RBFOX3: variants seen among roughly 807,000 people sequenced by gnomAD.
RBFOX3 encodes the protein RNA binding fox-1 homolog 3.
In RBFOX3, 17 loss-of-function variants were observed where a neutral mutation model predicts 48.7. The observed-to-expected ratio is 0.35, with a 90% confidence interval of 0.24 to 0.52. The LOEUF (loss-of-function observed/expected upper bound fraction) is 0.52. Among genes scored for constraint, RBFOX3 ranks in the 20% least tolerant of loss-of-function variants. The pLI, the probability that RBFOX3 is intolerant of heterozygous loss-of-function variation, is 0.94. For synonymous variants in RBFOX3, 212 were observed against 209.5 expected, an observed-to-expected ratio of 1.01 and a Z score of -0.10; for missense variants, 382 against 497.5, an observed-to-expected ratio of 0.77 and a Z score of 2.21.
At chr17:79,453,566 G>C (rs2073946691) in intron 2 of RBFOX3, among the ~76,000 whole-genome samples, 1 of 152,220 alleles carries the variant, frequency 6.6e-6, no homozygotes, top group African/African-American at 2.4e-5. Context: ...CAGCCCCACA[G>C]CCCCACAGGG....
chr17:79,536,031 T>C (rs1225319374), intron 1 of RBFOX3, among the ~76,000 whole-genome samples: 1 of 152,146 alleles, frequency 6.6e-6, no homozygotes, highest in African/African-American at 2.4e-5. Context: ...CTGGCTAGAT[T>C]TAAGCTGGTC....
intron 2 of RBFOX3, among the ~76,000 whole-genome samples, chr17:79,354,193 G>A (rs953654987): frequency 2.0e-5 from 3 of 152,192 alleles, no homozygotes; most frequent in Admixed American, 6.5e-5. Flanking sequence ...GGGCTCACAG[G>A]AGGATTAGCT....
intron 2 of RBFOX3, among the ~76,000 whole-genome samples, chr17:79,430,928 G>A (rs149735117): frequency 1.3e-5 from 2 of 152,292 alleles, no homozygotes; most frequent in East Asian, 3.9e-4. Flanking sequence ...CACGCTCAGA[G>A]CCCCATGTTC....
At chr17:79,106,903 C>CT (rs1171562097) in intron 5 of RBFOX3, 115 bp from the exon 6 acceptor site, 7 of 1,323,200 alleles carry the variant, frequency 5.3e-6, no homozygotes, top group Non-Finnish European at 6.9e-6. Context: ...TTCTGGGCCT[C>CT]TCCCCCATCC....
At chr17:79,209,866 G>A (rs1258877570) in intron 4 of RBFOX3, among the ~76,000 whole-genome samples, 2 of 152,036 alleles carry the variant, frequency 1.3e-5, no homozygotes, top group African/African-American at 4.8e-5. Context: ...GCGTGGTGGT[G>A]GCCGCCTGTA....
At chr17:79,114,718 G>A (rs556664075) in intron 5 of RBFOX3, among the ~76,000 whole-genome samples, 20 of 152,328 alleles carry the variant, frequency 1.3e-4, no homozygotes, top group East Asian at 3.9e-4. Flanking sequence ...CAGGGCCAGC[G>A]GGGACAGTTG....
At chr17:79,470,335 A>C (rs112710217) in intron 2 of RBFOX3, among the ~76,000 whole-genome samples, 12,526 of 152,190 alleles carry the variant, frequency 0.082, 1,728 homozygotes, top group African/African-American at 0.28. Flanking sequence ...GGGAAAGAGT[A>C]AAGACTGTCA....
the RBFOX3 span, among the ~76,000 whole-genome samples, chr17:79,629,027 A>G: frequency 1.3e-5 from 2 of 152,294 alleles, no homozygotes; most frequent in African/African-American, 4.8e-5. Flanking sequence ...TGATTCAACA[A>G]CTATTCTTTG....
rs575714606 is a variant in RBFOX3 at position 79,334,750 on chromosome 17, G to A, written c.-174-26926C>T. ...ACATCTTTCCAGCCTCAGTTTCCTCGTCTGCCACATGACAGCAGTAATGGA... is the reference window on the plus strand; with the variant it reads ...ACATCTTTCCAGCCTCAGTTTCCTCATCTGCCACATGACAGCAGTAATGGA... On this transcript the variant is annotated intron_variant, in intron 2 of 14. Coordinates refer to ENST00000693108, the MANE Select transcript of RBFOX3 (RefSeq NM_001350451.2). Among the ~76,000 whole-genome samples, 24 of 152,270 alleles carry A rather than the reference G, an allele frequency of 1.6e-4. No homozygotes were observed. In the East Asian group the frequency reaches 1.7e-3, roughly 11 times the overall value.
At chr17:79,573,818 G>A (rs1411591759) in intron 1 of RBFOX3, among the ~76,000 whole-genome samples, 4 of 152,166 alleles carry the variant, frequency 2.6e-5, no homozygotes, top group Non-Finnish European at 5.9e-5. Context: ...CCCGGTGGGG[G>A]GAGGGTGCCT....
intron 1 of RBFOX3, among the ~76,000 whole-genome samples, chr17:79,544,890 C>T (rs1298723471): frequency 3.3e-5 from 5 of 151,304 alleles, no homozygotes; most frequent in Admixed American, 6.6e-5. Context: ...ACTCAAACAC[C>T]GCCACCCTCC....
At chr17:79,620,184 T>C in the RBFOX3 span, among the ~76,000 whole-genome samples, 17 of 111,726 alleles carry the variant, frequency 1.5e-4, no homozygotes, top group South Asian at 1.5e-3. Flanking sequence ...TGCACACACA[T>C]GTGCACATGC....
chr17:79,438,836 G>T (rs2070171510), intron 2 of RBFOX3, among the ~76,000 whole-genome samples: 1 of 152,236 alleles, frequency 6.6e-6, no homozygotes, highest in South Asian at 2.1e-4. Flanking sequence ...ATGAAATCTG[G>T]AAGTCACTGC....
At position 79,286,134 on chromosome 17, in the gene RBFOX3, A is replaced by C. The variant is rs115259151; in HGVS notation, c.-74+21590T>G. Among the ~76,000 whole-genome samples, 335 of 152,280 alleles carry C rather than the reference A, an allele frequency of 2.2e-3. 2 individuals carry two copies. Among genetic ancestry groups the C allele is most frequent in the African/African-American group, 7.7e-3 (320 of 41,554 alleles). On this transcript the variant is annotated intron_variant, in intron 3 of 14. Coordinates refer to ENST00000693108, the MANE Select transcript of RBFOX3 (RefSeq NM_001350451.2). ...CTGGTGCAGAGTCTATTGCAAATAA[A>C]TGTCCCTGGCCTGCCTCTCCGAGCC... is the stretch of plus-strand genomic sequence containing the variant.
intron 6 of RBFOX3, among the ~76,000 whole-genome samples, chr17:79,105,783 G>A (rs1047694608): frequency 6.6e-6 from 1 of 152,194 alleles, no homozygotes; most frequent in African/African-American, 2.4e-5. Context: ...GGTGGGCACC[G>A]TGGCAGGCAG....
At chr17:79,548,472 C>G (rs1228700417) in intron 1 of RBFOX3, among the ~76,000 whole-genome samples, 2 of 152,256 alleles carry the variant, frequency 1.3e-5, no homozygotes, top group Admixed American at 6.5e-5. Flanking sequence ...CGGCTGCCAC[C>G]ACCCCCAAAG....
chr17:79,149,136 C>T (rs1465546414), intron 4 of RBFOX3, among the ~76,000 whole-genome samples: 2 of 152,234 alleles, frequency 1.3e-5, no homozygotes, highest in African/African-American at 4.8e-5. Flanking sequence ...AGCACCCAGG[C>T]TGGGACCCCC....
Position 79,090,739 on chromosome 17 carries a change from G to T in RBFOX3, c.*144C>A. 1 of 1,044,536 alleles carries T rather than the reference G, an allele frequency of 9.6e-7. No individual in the cohort carries two copies. Among genetic ancestry groups the T allele is most frequent in the Non-Finnish European group, 1.4e-6 (1 of 730,330 alleles). The allele number at this position is 1,044,536 out of a possible 1,614,324, so 64.7% of individuals were successfully genotyped here. A position where few individuals can be genotyped will look rare whatever the true frequency, so the allele number is the denominator to read the frequency against. On this transcript the variant is annotated 3_prime_UTR_variant, in exon 15 of 15. Coordinates refer to ENST00000693108, the MANE Select transcript of RBFOX3 (RefSeq NM_001350451.2). ...GCGTGTGGCCAGGACGCGGGACTTG[G>T]ACTTGGTTGGATGCCTCTTGGTTTG...
intron 2 of RBFOX3, among the ~76,000 whole-genome samples, chr17:79,448,828 C>T (rs557324112): frequency 6.6e-6 from 1 of 152,298 alleles, no homozygotes; most frequent in South Asian, 2.1e-4. Context: ...CTCCCTCTCC[C>T]CACCTGGACG....
Sources: allele counts gnomAD v4.1 joint callset (sites outside exome capture counted in the v4.1 genomes callset), GRCh38; gene constraint gnomAD v4.1.1; transcripts MANE v1.5; gene names NCBI Gene and HGNC (gene_info 2026-07-23, HGNC 2026-07-21).